The following UBA6 variants were observed in gnomAD, a reference collection of about 807,000 sequenced individuals.
UBA6 encodes ubiquitin like modifier activating enzyme 6.
In UBA6, 87 loss-of-function variants were observed where a neutral mutation model predicts 148.3. The observed-to-expected ratio is 0.59, with a 90% CI of 0.49 to 0.70. The LOEUF (loss-of-function observed/expected upper bound fraction) is 0.70. UBA6 is among the 30% of genes least tolerant of loss of function. The probability of loss-of-function intolerance (pLI) is 0.00; values close to 1 mark genes in which losing one functional copy is unlikely to be tolerated. For missense variants in UBA6, 1,186 were observed against 1,241.2 expected, an observed-to-expected ratio of 0.96 and a Z score of 0.67; for synonymous variants, 376 against 401.0, an observed-to-expected ratio of 0.94 and a Z score of 0.75.
chr4:67,630,321 A>G, intron 26 of UBA6, 145 bp downstream of exon 26: 1 of 647,546 alleles, frequency 1.5e-6, no homozygotes, highest in East Asian at 3.1e-5. Flanking sequence ...CCATTATGTT[A>G]GTATGGGTAA....
chr4:67,689,988 G>C lies in UBA6; in HGVS notation c.134+6657C>G, dbSNP rs75944590. ...GCTTATTTAATAGCAATAAAAATAA[G>C]ATGCTTTAGGGCTAAGCAGAAAGGA... On this transcript the variant is annotated intron_variant, in intron 2 of 32. Coordinates refer to ENST00000322244, the MANE Select transcript of UBA6 (RefSeq NM_018227.6). Among the ~76,000 whole-genome samples, 15 of 152,210 alleles carry C rather than the reference G, an allele frequency of 9.9e-5. No homozygotes were observed. The East Asian group carries it at 2.9e-3, about 29-fold the overall frequency.
At position 67,639,729 on chromosome 4, in the gene UBA6, C is replaced by T. The variant is rs1002321339; in HGVS notation, c.1555-605G>A. ...TATACTATGTATTTTCATATACACA[C>T]ATACCTATGATAAAGTTTAATTTAT... is the stretch of plus-strand genomic sequence containing the variant. On this transcript the variant is annotated intron_variant, in intron 18 of 32. Transcript: ENST00000322244. 2.6e-5 allele frequency among the ~76,000 whole-genome samples: 4 copies of T among 152,152 alleles called. No homozygotes were observed. The South Asian group carries it at 8.3e-4, about 32-fold the overall frequency.
rs1423842072 is a variant in UBA6, at chr4:67,631,854, T to C, written c.2194+3A>G. ...AAAATTTATTCTCAACATTTATACT[T>C]ACTGCCATCTTTTAATCGTATGTCC... On this transcript the variant is annotated splice_donor_region_variant and intron_variant, in intron 24 of 32. Coordinates refer to ENST00000322244, the MANE Select transcript of UBA6 (RefSeq NM_018227.6). The C allele has an allele frequency of 8.1e-6, 13 of 1,612,052 alleles. No individual in the cohort carries two copies. Among genetic ancestry groups the C allele is most frequent in the Non-Finnish European group, 1.1e-5 (13 of 1,179,042 alleles).
rs144543736 is a variant in UBA6, at chr4:67,616,028, G to A, written c.*2969C>T. The A allele has an allele frequency of 5.2e-6, 2 of 385,090 alleles. No individual in the cohort carries two copies. The highest frequency in any genetic ancestry group is 4.1e-5 in the African/African-American group (2 of 48,354). 23.9% of individuals were successfully genotyped at this position (385,090 alleles called of 1,614,324 possible). ...CTTGAACTGCATATTTATATTTTAT[G>A]TATTTTTGAATATATATGTGTTTTT... is the stretch of plus-strand genomic sequence containing the variant. On this transcript the variant is annotated 3_prime_UTR_variant, in exon 33 of 33. Transcript: ENST00000322244.
In UBA6 at chr4:67,629,618, T is replaced by C. The variant is rs532807946; in HGVS notation, c.2329-476A>G. Among the ~76,000 whole-genome samples, 19 of 152,150 alleles carry C rather than the reference T, an allele frequency of 1.2e-4. 1 individual carries two copies. In the South Asian group the frequency reaches 3.3e-3, roughly 27 times the overall value. On this transcript the variant is annotated intron_variant, in intron 26 of 32. Transcript: ENST00000322244. ...ATGAACTTATATGAATTTAAAGCTA[T>C]GGGTTGTATTTACATTTGTCATTGA... is the stretch of plus-strand genomic sequence containing the variant.
intron 12 of UBA6, 91 bp downstream of exon 12, chr4:67,663,048 T>C (rs2109933269): frequency 3.4e-6 from 3 of 874,694 alleles, no homozygotes; most frequent in South Asian, 1.8e-5. Context: ...GTATTGTAAT[T>C]ACAAAGGGCA....
At chr4:67,647,398 G>A (rs549032260) in intron 14 of UBA6, among the ~76,000 whole-genome samples, 8 of 152,012 alleles carry the variant, frequency 5.3e-5, no homozygotes, top group East Asian at 1.9e-4. Context: ...TGCCCACCTC[G>A]GCCTCCCAAA....
In UBA6 at chr4:67,623,119, A is replaced by G. The variant is rs375946294; in HGVS notation, c.2928+16T>C. The G allele has an allele frequency of 6.3e-7, 1 of 1,591,682 alleles. No homozygotes were observed. The highest frequency in any genetic ancestry group is 8.6e-7 in the Non-Finnish European group (1 of 1,163,116). ...CATAAAGCTACTAATGAACTAAATG[A>G]ACAAAAGTATCTCACTTTGACTGCA... On this transcript the variant is annotated intron_variant, in intron 31 of 32. Coordinates refer to ENST00000322244, the MANE Select transcript of UBA6 (RefSeq NM_018227.6).
rs1729931114 is a variant in UBA6, at chr4:67,664,078, G to A, written c.898-131C>T. ...TCTGAAATAAAGTAGGGTTGGGCTGGTATGTTTTAACTGAAATATAAACTA... is the reference window on the plus strand; with the variant it reads ...TCTGAAATAAAGTAGGGTTGGGCTGATATGTTTTAACTGAAATATAAACTA... On this transcript the variant is annotated intron_variant, in intron 10 of 32. Transcript: ENST00000322244. 5.1e-6 allele frequency: 3 copies of A among 589,554 alleles called. No individual in the cohort carries two copies. In the South Asian group the frequency reaches 9.4e-5, roughly 18 times the overall value. 36.5% of individuals were successfully genotyped at this position (589,554 alleles called of 1,614,324 possible).
Position 67,696,673 on chromosome 4 carries a change from A to C in UBA6, c.106T>G (p.Ser36Ala), listed in dbSNP as rs1197825332. Residue 36 changes from serine (S) to alanine (A), a missense_variant, in exon 2 of 33, where the codon TCT becomes GCT. Physicochemically the swap from Ser to Ala is moderately conservative, Grantham distance 99. Coordinates refer to ENST00000322244, the MANE Select transcript of UBA6 (RefSeq NM_018227.6). ...TACAATGCATCATCGATTTCCACAGATGCTGTTGACATAATGGGCAAATTT... is the reference window on the plus strand; with the variant it reads ...TACAATGCATCATCGATTTCCACAGCTGCTGTTGACATAATGGGCAAATTT... ...NKNLPIMSTA[S>A]VEIDDALYSR... The C allele has an allele frequency of 6.2e-7, 1 of 1,608,458 alleles. No homozygotes were observed. Among genetic ancestry groups the C allele is most frequent in the East Asian group, 2.2e-5 (1 of 44,672 alleles).
chr4:67,687,372 T>G (rs1478942870), intron 2 of UBA6, among the ~76,000 whole-genome samples: 1 of 152,170 alleles, frequency 6.6e-6, no homozygotes, highest in African/African-American at 2.4e-5. Flanking sequence ...TTATTCCTAT[T>G]TACACATGAG....
Position 67,616,336 on chromosome 4 carries a change from A to G in UBA6, c.*2661T>C, listed in dbSNP as rs571299443. The stretch of plus-strand genomic sequence containing the variant: ...TTTTTTTTTCCCTAAAAATTTCAAA[A>G]GAACAATTTTCTATCTTCATTTTAC... On this transcript the variant is annotated 3_prime_UTR_variant, in exon 33 of 33. Coordinates refer to ENST00000322244, the MANE Select transcript of UBA6 (RefSeq NM_018227.6). The G allele has an allele frequency of 6.1e-4, 231 of 376,306 alleles. No homozygotes were observed. The highest frequency in any genetic ancestry group is 9.5e-4 in the Non-Finnish European group (201 of 212,262). 23.3% of individuals were successfully genotyped at this position (376,306 alleles called of 1,614,324 possible). A position where few individuals can be genotyped will look rare whatever the true frequency, so the allele number is the denominator to read the frequency against.
chr4:67,653,233 C>T (rs1159820547), intron 13 of UBA6, among the ~76,000 whole-genome samples: 1 of 152,196 alleles, frequency 6.6e-6, no homozygotes, highest in African/African-American at 2.4e-5. Context: ...TCAATTGGGT[C>T]CCTGACCCCC....
chr4:67,619,438 G>A (rs1057379231), intron 32 of UBA6, among the ~76,000 whole-genome samples: 4 of 152,224 alleles, frequency 2.6e-5, no homozygotes, highest in Non-Finnish European at 4.4e-5. Flanking sequence ...CACTTTGGGA[G>A]GCTGAGGCAG....
At chr4:67,629,953 T>G (rs947789032) in intron 26 of UBA6, among the ~76,000 whole-genome samples, 1 of 152,054 alleles carries the variant, frequency 6.6e-6, no homozygotes, top group Admixed American at 6.6e-5. Context: ...CTCAAAACCG[T>G]ATGAGGCTCT....
rs1467495128 is a variant in UBA6 at position 67,624,260 on chromosome 4, A to G, written c.2713-7T>C. The G allele has an allele frequency of 1.3e-6, 2 of 1,592,458 alleles. No individual in the cohort carries two copies. Among genetic ancestry groups the G allele is most frequent in the African/African-American group, 1.4e-5 (1 of 73,658 alleles). On this transcript the variant is annotated splice_polypyrimidine_tract_variant and splice_region_variant and intron_variant, in intron 29 of 32. Transcript: ENST00000322244. ...TGATCATCTCCAAGGCAACCTAGATAAAAGAAGGTGATCTGATAATATAAA... is the reference window on the plus strand; with the variant it reads ...TGATCATCTCCAAGGCAACCTAGATGAAAGAAGGTGATCTGATAATATAAA...
intron 14 of UBA6, among the ~76,000 whole-genome samples, chr4:67,648,295 C>T (rs1202760003): frequency 6.6e-6 from 1 of 150,894 alleles, no homozygotes; most frequent in African/African-American, 2.4e-5. Context: ...AATGAAATCC[C>T]ATCTCTACTA....
intron 2 of UBA6, among the ~76,000 whole-genome samples, chr4:67,694,559 G>A (rs970384753): frequency 2.6e-5 from 4 of 151,684 alleles, no homozygotes; most frequent in South Asian, 2.1e-4. Flanking sequence ...CACCACACCC[G>A]GCTAATTTTT....
At chr4:67,690,352 C>A (rs903072822) in intron 2 of UBA6, among the ~76,000 whole-genome samples, 2 of 151,960 alleles carry the variant, frequency 1.3e-5, no homozygotes, top group Non-Finnish European at 2.9e-5. Flanking sequence ...ATAAAACTCC[C>A]AGAAGAAAAC....
Sources: gnomAD v4.1 joint callset for allele counts (sites outside exome capture counted in the v4.1 genomes callset) on GRCh38, gnomAD v4.1.1 for gene constraint, MANE v1.5 for transcripts, NCBI Gene and HGNC (gene_info 2026-07-23, HGNC 2026-07-21) for gene names.